Variants in NT5C3A observed in about 807,000 individuals in gnomAD.
NT5C3A encodes the protein 5'-nucleotidase, cytosolic IIIA.
In NT5C3A, 23 loss-of-function variants were observed where a neutral mutation model predicts 40.0. The ratio of observed to expected loss-of-function variants is 0.58; its 90% confidence interval spans 0.41 to 0.81. The LOEUF (loss-of-function observed/expected upper bound fraction) is 0.81, where lower values mean the gene tolerates loss of function less well. NT5C3A is among the 40% of genes least tolerant of loss of function. The pLI is 0.00. For missense variants in NT5C3A, 328 were observed against 403.0 expected (o/e 0.81, Z 1.59); for synonymous variants, 130 against 141.4 (o/e 0.92, Z 0.57).
At chr7:33,020,174 C>T (rs1246827909) in intron 5 of NT5C3A, among the ~76,000 whole-genome samples, 4 of 152,128 alleles carry the variant, frequency 2.6e-5, no homozygotes, top group African/African-American at 9.7e-5. Flanking sequence ...GTGTCATATA[C>T]AGATTAGCCT....
Position 33,062,634 on chromosome 7 carries a change from C to T in NT5C3A, c.72G>A (p.Val24=). ...AGGTGAATATGTACTGAGCCAGCAC[C>T]ACCCCCGCCACCAGGGCGCACACGC... The part of the protein sequence containing the change: ...SASVCALVAG[V]VLAQYIFTLK... The change falls in exon 1 of 9, where the codon GTG becomes GTA. Residue 24 remains valine, a synonymous_variant. Transcript: ENST00000610140. 6.2e-7 allele frequency: 1 copy of T among 1,602,532 alleles called. No individual in the cohort carries two copies. The highest frequency in any genetic ancestry group is 8.5e-7 in the Non-Finnish European group (1 of 1,175,582).
chr7:33,021,785 G>A (rs761155598), intron 4 of NT5C3A: 18 of 465,618 alleles, frequency 3.9e-5, no homozygotes, highest in African/African-American at 1.2e-4. Flanking sequence ...TCCAGTTAAC[G>A]TTACAACACC....
chr7:33,025,558 C>T (rs947332333), intron 2 of NT5C3A, among the ~76,000 whole-genome samples: 4 of 151,894 alleles, frequency 2.6e-5, no homozygotes, highest in African/African-American at 9.7e-5. Context: ...CTCAATTATC[C>T]CCTTAATAAG....
chr7:33,032,455 T>C (rs1337991750), intron 1 of NT5C3A, among the ~76,000 whole-genome samples: 3 of 151,262 alleles, frequency 2.0e-5, no homozygotes, highest in Non-Finnish European at 1.5e-5. Flanking sequence ...TACTTTTATG[T>C]TTTTTTATTT....
At position 33,062,745 on chromosome 7, in the gene NT5C3A, G is replaced by A. The variant is rs753007541; in HGVS notation, c.-40C>T. 7.1e-6 allele frequency: 11 copies of A among 1,549,520 alleles called. No homozygotes were observed. The East Asian group carries it at 2.7e-4, about 38-fold the overall frequency. The stretch of plus-strand genomic sequence containing the variant: ...TGCGCGTCCAAGCAGGAAAAAAACA[G>A]GCAGCTCGCGTAGACTGCGAGTCTC... On this transcript the variant is annotated 5_prime_UTR_variant, in exon 1 of 9. Coordinates refer to ENST00000610140, the MANE Select transcript of NT5C3A (RefSeq NM_001002010.5).
chr7:33,036,278 G>A, intron 1 of NT5C3A: 1 of 407,806 alleles, frequency 2.5e-6, no homozygotes, highest in Non-Finnish European at 4.6e-6. Context: ...ACATATTGAG[G>A]CCGTGTTTCC....
intron 1 of NT5C3A, among the ~76,000 whole-genome samples, chr7:33,046,630 C>T (rs1159365103): frequency 6.6e-6 from 1 of 152,090 alleles, no homozygotes; most frequent in Non-Finnish European, 1.5e-5. Flanking sequence ...TACTTTCTTA[C>T]TTAAAAAGCA....
chr7:33,054,136 G>A (rs1388054359), intron 1 of NT5C3A, among the ~76,000 whole-genome samples: 1 of 151,904 alleles, frequency 6.6e-6, no homozygotes, highest in African/African-American at 2.4e-5. Context: ...TAGGAGGATC[G>A]CTTAAGCCAG....
At chr7:33,057,964 C>A (rs961119144) in intron 1 of NT5C3A, among the ~76,000 whole-genome samples, 25 of 152,244 alleles carry the variant, frequency 1.6e-4, no homozygotes, top group African/African-American at 6.0e-4. Context: ...TGGATAAATA[C>A]TCTACTTTAG....
intron 1 of NT5C3A, among the ~76,000 whole-genome samples, chr7:33,052,767 T>G (rs1583967312): frequency 6.6e-6 from 1 of 152,188 alleles, no homozygotes; most frequent in Non-Finnish European, 1.5e-5. Context: ...ACTTAAATGA[T>G]TCTCAAGCTT....
intron 1 of NT5C3A, chr7:33,029,658 A>T (rs1309063477): frequency 7.8e-7 from 1 of 1,289,966 alleles, no homozygotes; most frequent in Non-Finnish European, 1.0e-6. Flanking sequence ...CAAGTTTTTG[A>T]TAACGGATAG....
chr7:33,026,313 C>T (rs1785925612), intron 2 of NT5C3A, among the ~76,000 whole-genome samples: 1 of 130,686 alleles, frequency 7.7e-6, no homozygotes, highest in African/African-American at 2.9e-5. Context: ...TGCGCCACTG[C>T]ACTCCAGGCT....
At chr7:33,045,561 G>A (rs1787108641) in intron 1 of NT5C3A, among the ~76,000 whole-genome samples, 2 of 151,728 alleles carry the variant, frequency 1.3e-5, no homozygotes, top group Non-Finnish European at 2.9e-5. Context: ...CTGAGTTCAA[G>A]CGATTCTTCT....
Position 33,043,566 on chromosome 7 carries a change from A to C in NT5C3A, c.139-16651T>G, listed in dbSNP as rs146365085. ...AGCCAGCTTTGTCGGCTCCAAAACA[A>C]AACACTTTATGGCATGAAAAGATGG... On this transcript the variant is annotated intron_variant, in intron 1 of 8. Transcript: ENST00000610140. Among the ~76,000 whole-genome samples, 308 of 152,330 alleles carry C rather than the reference A, an allele frequency of 2.0e-3. 2 individuals carry two copies. Among genetic ancestry groups the C allele is most frequent in the Admixed American group, 0.014 (214 of 15,300 alleles).
Position 33,026,881 on chromosome 7 carries a change from T to C in NT5C3A, c.173A>G (p.Lys58Arg). Residue 58 changes from lysine (K) to arginine (R), a missense_variant, in exon 2 of 9, where the codon AAG becomes AGG. Coordinates refer to ENST00000610140, the MANE Select transcript of NT5C3A (RefSeq NM_001002010.5). ...PEFQKSSVRI[K>R]NPTRVEEIIC... ...AATTTCTTCTACTCTTGTAGGGTTCTTGATTCGAACTGAACTTTTCTGGAA... is the reference window on the plus strand; with the variant it reads ...AATTTCTTCTACTCTTGTAGGGTTCCTGATTCGAACTGAACTTTTCTGGAA... 1.2e-6 allele frequency: 2 copies of C among 1,613,010 alleles called. No homozygotes were observed. Among genetic ancestry groups the C allele is most frequent in the Non-Finnish European group, 1.7e-6 (2 of 1,179,710 alleles).
chr7:33,015,669 C>T lies in NT5C3A; in HGVS notation c.894+1G>A. On this transcript the variant is annotated splice_donor_variant, in intron 8 of 8. Coordinates refer to ENST00000610140, the MANE Select transcript of NT5C3A (RefSeq NM_001002010.5). LOFTEE classifies it high-confidence loss of function. ...AAAAAATTACAGATTTGTATACTTA[C>T]TCTATCATTTAGATATCCAATTTTC... 1.3e-6 allele frequency: 2 copies of T among 1,580,392 alleles called. No individual in the cohort carries two copies. The highest frequency in any genetic ancestry group is 1.7e-6 in the Non-Finnish European group (2 of 1,151,060).
intron 1 of NT5C3A, among the ~76,000 whole-genome samples, chr7:33,043,495 T>C (rs6946062): frequency 0.36 from 54,459 of 151,992 alleles, 10,225 homozygotes; most frequent in Non-Finnish European, 0.41. Flanking sequence ...TATAGTTGGA[T>C]TGTCTGAAAC....
chr7:33,028,200 T>C (rs1485178457), intron 1 of NT5C3A, among the ~76,000 whole-genome samples: 1 of 152,196 alleles, frequency 6.6e-6, no homozygotes, highest in Non-Finnish European at 1.5e-5. Context: ...TCCCAGCTAC[T>C]TGGAAGCTGA....
chr7:33,058,093 A>G (rs1166242674), intron 1 of NT5C3A, among the ~76,000 whole-genome samples: 5 of 152,180 alleles, frequency 3.3e-5, no homozygotes, highest in African/African-American at 9.7e-5. Context: ...TTATTAGAGA[A>G]AAACTGAAAA....
Sources: allele counts gnomAD v4.1 joint callset (sites outside exome capture counted in the v4.1 genomes callset), GRCh38; gene constraint gnomAD v4.1.1; transcripts MANE v1.5; gene names NCBI Gene and HGNC (gene_info 2026-07-23, HGNC 2026-07-21).